The following CAPS2 variants were observed in gnomAD, a reference collection of about 807,000 sequenced individuals.
CAPS2 encodes calcyphosin-2.
A neutral mutation model predicts 86.5 loss-of-function variants in CAPS2; 98 were observed. The ratio of observed to expected loss-of-function variants is 1.13; its 90% CI spans 0.96 to 1.34. The LOEUF (loss-of-function observed/expected upper bound fraction) is 1.34. Ranked by LOEUF, CAPS2 falls within the 40% of genes most tolerant of loss-of-function variation. The pLI, the probability that CAPS2 is intolerant of heterozygous loss-of-function variation, is 0.00. For missense variants in CAPS2, 729 were observed against 686.8 expected (o/e 1.06, Z -0.69); for synonymous variants, 210 against 225.1 (o/e 0.93, Z 0.60).
At chr12:75,306,029 G>A in intron 7 of CAPS2, 11 of 1,470,590 alleles carry the variant, frequency 7.5e-6, no homozygotes, top group Non-Finnish European at 9.3e-6. Flanking sequence ...CATTCTACTT[G>A]AAGGGCCGCG....
intron 1 of CAPS2, among the ~76,000 whole-genome samples, chr12:75,376,681 C>T (rs1425869452): frequency 1.3e-5 from 2 of 152,194 alleles, no homozygotes; most frequent in Non-Finnish European, 2.9e-5. Context: ...TCATCAGGGT[C>T]CTCCCACACA....
At chr12:75,315,546 G>T (rs1429748730) in intron 6 of CAPS2, among the ~76,000 whole-genome samples, 1 of 152,096 alleles carries the variant, frequency 6.6e-6, no homozygotes, top group Non-Finnish European at 1.5e-5. Flanking sequence ...AATTGATTCT[G>T]GATGATTGTG....
rs187843375 is a variant in CAPS2, at chr12:75,284,677, T to A, written c.1515+284A>T. Among the ~76,000 whole-genome samples, 3 of 152,222 alleles carry A rather than the reference T, an allele frequency of 2.0e-5. No individual in the cohort carries two copies. The East Asian group carries it at 5.8e-4, about 29-fold the overall frequency. On this transcript the variant is annotated intron_variant, in intron 15 of 16. Coordinates refer to ENST00000393284, the Ensembl canonical transcript of CAPS2. ...ATAATACATATATTCACGTAGCTAG[T>A]CATTTATGGAGGCAACAACTTATGG...
At chr12:75,276,827 A>G (rs747634691), downstream of CAPS2, 1,224 of 929,478 alleles carry the variant, frequency 1.3e-3, 2 homozygotes, top group Non-Finnish European at 1.5e-3. Context: ...TTCATGTAAC[A>G]GCATTACAAC....
intron 11 of CAPS2, among the ~76,000 whole-genome samples, chr12:75,294,654 A>G (rs1593297873): frequency 1.3e-5 from 2 of 151,976 alleles, no homozygotes; most frequent in Admixed American, 6.6e-5. Context: ...ACAGATAGTC[A>G]CTCTAATTAC....
intron 1 of CAPS2, among the ~76,000 whole-genome samples, chr12:75,336,520 T>C (rs1377535124): frequency 1.3e-5 from 2 of 151,814 alleles, no homozygotes; most frequent in Admixed American, 6.6e-5. Context: ...TATTTATGGC[T>C]ACTGAAGTAG....
chr12:75,367,265 G>A (rs1409982377), intron 1 of CAPS2, among the ~76,000 whole-genome samples: 1 of 93,292 alleles, frequency 1.1e-5, no homozygotes, highest in Non-Finnish European at 2.0e-5. Context: ...AACTTCCTAG[G>A]AGGAAAAAAA....
chr12:75,311,711 A>C (rs2039218478), intron 7 of CAPS2, among the ~76,000 whole-genome samples: 1 of 72,330 alleles, frequency 1.4e-5, no homozygotes, highest in Admixed American at 2.2e-4. Flanking sequence ...AAAAAAAAAA[A>C]CAAAAAAAAA....
At chr12:75,304,247 C>T (rs904628031) in intron 8 of CAPS2, among the ~76,000 whole-genome samples, 2 of 152,122 alleles carry the variant, frequency 1.3e-5, no homozygotes, top group Non-Finnish European at 2.9e-5. Flanking sequence ...AAAAAAGCTA[C>T]TGTGGGTACT....
chr12:75,315,126 T>C (rs2138870782), intron 6 of CAPS2, among the ~76,000 whole-genome samples: 1 of 152,308 alleles, frequency 6.6e-6, no homozygotes, highest in East Asian at 1.9e-4. Flanking sequence ...ATGAGTACTA[T>C]CAAAATAAAA....
At chr12:75,380,733 T>C (rs907853534) in intron 1 of CAPS2, among the ~76,000 whole-genome samples, 11 of 149,844 alleles carry the variant, frequency 7.3e-5, no homozygotes, top group Non-Finnish European at 1.1e-4. Flanking sequence ...TCTAATAACT[T>C]ATATAATTCC....
chr12:75,316,996 CAA>C (rs1440217662), intron 5 of CAPS2, among the ~76,000 whole-genome samples: 4 of 152,120 alleles, frequency 2.6e-5, no homozygotes, highest in Non-Finnish European at 5.9e-5. Context: ...AGCAACTTTT[CAA>C]AAACTTAATA....
chr12:75,305,570 A>G, intron 7 of CAPS2: 2 of 632,226 alleles, frequency 3.2e-6, no homozygotes, highest in Non-Finnish European at 6.0e-6. Context: ...GCAGAGCCGC[A>G]GAGCCCTCCT....
chr12:75,299,605 T>C (rs2037468293), intron 9 of CAPS2, among the ~76,000 whole-genome samples: 1 of 152,150 alleles, frequency 6.6e-6, no homozygotes, highest in Non-Finnish European at 1.5e-5. Context: ...TTAAAAAATA[T>C]TTAAATTCGC....
At chr12:75,312,871 T>C (rs771545346) in exon 7 of CAPS2, 1 of 1,605,008 alleles carries the variant, frequency 6.2e-7, no homozygotes, top group South Asian at 1.1e-5. Flanking sequence ...CTATCATCAC[T>C]TGCTCTGCAA....
At chr12:75,302,915 C>T (rs1007848141) in intron 8 of CAPS2, among the ~76,000 whole-genome samples, 15 of 152,188 alleles carry the variant, frequency 9.9e-5, no homozygotes, top group African/African-American at 3.4e-4. Flanking sequence ...ACTCATACTG[C>T]TACTGGTGGG....
intron 7 of CAPS2, among the ~76,000 whole-genome samples, chr12:75,306,944 T>C (rs1273980843): frequency 2.6e-5 from 4 of 151,652 alleles, no homozygotes; most frequent in Admixed American, 6.6e-5. Context: ...AAAAAAAAAA[T>C]TGACTACAAG....
In CAPS2 at chr12:75,298,781, C is replaced by T. The variant is rs1168283988; in HGVS notation, c.951-1G>A. 4 of 1,611,662 alleles carry T rather than the reference C, an allele frequency of 2.5e-6. No individual in the cohort carries two copies. The highest frequency in any genetic ancestry group is 1.3e-5 in the African/African-American group (1 of 74,770). On this transcript the variant is annotated splice_acceptor_variant, in intron 10 of 16. Transcript: ENST00000393284. LOFTEE classifies it high-confidence loss of function. ...TTGAATAAAAGGAAGCACATTTGTT[C>T]TAGAAAGTAAATGAAAAAAAAATGG...
At chr12:75,297,923 C>A (rs966843724) in intron 11 of CAPS2, among the ~76,000 whole-genome samples, 12 of 152,144 alleles carry the variant, frequency 7.9e-5, no homozygotes, top group Non-Finnish European at 1.8e-4. Context: ...TTTGATTCCA[C>A]AAAACTAGGC....
Sources: allele counts gnomAD v4.1 joint callset (sites outside exome capture counted in the v4.1 genomes callset), GRCh38; gene constraint gnomAD v4.1.1; transcripts MANE v1.5; gene names NCBI Gene and HGNC (gene_info 2026-07-23, HGNC 2026-07-21).